The following CD109 variants were observed in gnomAD, a reference collection of about 807,000 sequenced individuals.
The protein encoded by CD109 is CD109 antigen.
Under a neutral mutation model 165.8 loss-of-function variants are expected in CD109, and 149 were observed. The ratio of observed to expected loss-of-function variants is 0.90; its 90% CI spans 0.79 to 1.03. The LOEUF is 1.03. Among genes scored for constraint, CD109 ranks in the 50% least tolerant of loss-of-function variants. CD109 has a pLI of 0.00. For synonymous variants in CD109, 585 were observed against 592.1 expected, an observed-to-expected ratio of 0.99 and a Z score of 0.18; for missense variants, 1,712 against 1,677.8, an observed-to-expected ratio of 1.02 and a Z score of -0.36.
At chr6:73,773,109 G>A (rs1475309158) in intron 15 of CD109, among the ~76,000 whole-genome samples, 4 of 149,864 alleles carry the variant, frequency 2.7e-5, no homozygotes, top group East Asian at 3.9e-4. Context: ...GTGTGTGTAC[G>A]TGTGTGTATA....
chr6:73,810,098 A>C lies in CD109; in HGVS notation c.3470A>C (p.Gln1157Pro). 1.2e-6 allele frequency: 2 copies of C among 1,610,534 alleles called. No individual in the cohort carries two copies. Among genetic ancestry groups the C allele is most frequent in the African/African-American group, 1.3e-5 (1 of 74,826 alleles). ...YALLSHFLQF[Q>P]TSEGIPIMRW... ...CTGCTCTCACACTTCTTACAATTTCAGACTTCTGAGGGAATCCCAATTATG... is the reference window on the plus strand; with the variant it reads ...CTGCTCTCACACTTCTTACAATTTCCGACTTCTGAGGGAATCCCAATTATG... The change falls in exon 27 of 33, where the codon CAG becomes CCG. Residue 1157 changes from glutamine to proline, a missense_variant. Transcript: ENST00000287097.
intron 2 of CD109, among the ~76,000 whole-genome samples, chr6:73,705,323 T>C (rs1485331258): frequency 6.6e-6 from 1 of 152,106 alleles, no homozygotes; most frequent in Admixed American, 6.5e-5. Flanking sequence ...TGAGAGAAGC[T>C]TGGAAAGAGG....
At chr6:73,699,529 C>A (rs1303216774) in intron 2 of CD109, among the ~76,000 whole-genome samples, 1 of 152,162 alleles carries the variant, frequency 6.6e-6, no homozygotes, top group Non-Finnish European at 1.5e-5. Context: ...TTTCTGTGAT[C>A]TCTGTTATCA....
At chr6:73,761,883 T>A (rs140056117) in intron 7 of CD109, among the ~76,000 whole-genome samples, 36 of 152,310 alleles carry the variant, frequency 2.4e-4, no homozygotes, top group Middle Eastern at 6.8e-3. Flanking sequence ...AGTAGGAGTA[T>A]GTTTTTAATG....
upstream of CD109, chr6:73,695,461 T>A (rs551879083): frequency 6.6e-6 from 1 of 152,306 alleles, no homozygotes; most frequent in Non-Finnish European, 1.5e-5. Context: ...AGCAAAAATA[T>A]AAAGGCATCT....
chr6:73,762,364 CTATGTT>C lies in CD109; in HGVS notation c.759-16_759-11del. ...AATATCAAGTTGATACATAAAAAGA[CTATGTT>C]TATAATTATTCAGGTATACATATGG... On this transcript the variant is annotated splice_polypyrimidine_tract_variant and intron_variant, in intron 7 of 32. Coordinates refer to ENST00000287097, the MANE Select transcript of CD109 (RefSeq NM_133493.5). 1 of 1,422,708 alleles carries C rather than the reference CTATGTT, an allele frequency of 7.0e-7. No individual in the cohort carries two copies. Among genetic ancestry groups the C allele is most frequent in the Non-Finnish European group, 9.9e-7 (1 of 1,013,366 alleles). 88.1% of individuals were successfully genotyped at this position (1,422,708 alleles called of 1,614,324 possible).
chr6:73,694,089 A>G (rs908104187), upstream of CD109: 1 of 152,056 alleles, frequency 6.6e-6, no homozygotes, highest in Non-Finnish European at 1.5e-5. Flanking sequence ...GGGTTTCACA[A>G]TGTTGGTCAG....
intron 6 of CD109, among the ~76,000 whole-genome samples, chr6:73,757,642 T>C (rs191406048): frequency 1.3e-5 from 2 of 152,306 alleles, no homozygotes; most frequent in East Asian, 3.9e-4. Flanking sequence ...CTAGTCCAGA[T>C]GGAGACAGCA....
chr6:73,784,950 A>T (rs1452932818), intron 19 of CD109, among the ~76,000 whole-genome samples: 1 of 152,172 alleles, frequency 6.6e-6, no homozygotes, highest in South Asian at 2.1e-4. Context: ...AAGAAGAGCA[A>T]ATTGCTTCGG....
At chr6:73,717,870 C>T (rs148432766) in intron 2 of CD109, among the ~76,000 whole-genome samples, 4,626 of 151,836 alleles carry the variant, frequency 0.03, 114 homozygotes, top group Non-Finnish European at 0.046. Context: ...CCGCCCACCT[C>T]GGCCTCCCAA....
At chr6:73,751,151 A>G (rs557555780) in intron 5 of CD109, among the ~76,000 whole-genome samples, 5 of 152,214 alleles carry the variant, frequency 3.3e-5, no homozygotes, top group Non-Finnish European at 7.3e-5. Context: ...AGGATGAGTC[A>G]TGTGAACTTG....
the CD109 span, among the ~76,000 whole-genome samples, chr6:73,689,920 A>T: frequency 6.6e-6 from 1 of 152,164 alleles, no homozygotes. Flanking sequence ...AAACAGTGTA[A>T]TTAAATCTTC....
intron 5 of CD109, among the ~76,000 whole-genome samples, chr6:73,736,710 CTG>C (rs1772559201): frequency 6.6e-6 from 1 of 152,068 alleles, no homozygotes; most frequent in East Asian, 1.9e-4. Context: ...ATTTTCATAA[CTG>C]TTGTCTTTTT....
chr6:73,806,737 G>A (rs907206298), intron 24 of CD109, 107 bp from the exon 25 acceptor site: 6 of 729,502 alleles, frequency 8.2e-6, no homozygotes, highest in Non-Finnish European at 1.3e-5. Flanking sequence ...TTCCCCCTTT[G>A]ATGAATCTTC....
At chr6:73,720,841 C>T (rs578123483) in intron 2 of CD109, among the ~76,000 whole-genome samples, 1 of 152,312 alleles carries the variant, frequency 6.6e-6, no homozygotes, top group South Asian at 2.1e-4. Flanking sequence ...TTGGGCCAGG[C>T]CTCCTGGCTA....
At chr6:73,789,706 C>T (rs1389461779) in intron 22 of CD109, among the ~76,000 whole-genome samples, 6 of 151,834 alleles carry the variant, frequency 4.0e-5, no homozygotes, top group East Asian at 3.8e-4. Flanking sequence ...ATGATCCACC[C>T]GCCTCGGCCT....
At chr6:73,779,365 C>T (rs945526218) in intron 15 of CD109, among the ~76,000 whole-genome samples, 2 of 151,752 alleles carry the variant, frequency 1.3e-5, no homozygotes, top group African/African-American at 2.4e-5. Context: ...TCTCCTTCCT[C>T]AGCCTCCCGA....
chr6:73,751,091 G>T (rs1444814902), intron 5 of CD109, among the ~76,000 whole-genome samples: 1 of 152,116 alleles, frequency 6.6e-6, no homozygotes, highest in Non-Finnish European at 1.5e-5. Flanking sequence ...AGACTGAATT[G>T]GGTGGAGGAA....
chr6:73,808,066 A>G lies in CD109; in HGVS notation c.3190-17A>G, dbSNP rs756207432. 1.2e-5 allele frequency: 20 copies of G among 1,609,272 alleles called. No homozygotes were observed. Among genetic ancestry groups the G allele is most frequent in the African/African-American group, 8.0e-5 (6 of 74,702 alleles). On this transcript the variant is annotated splice_polypyrimidine_tract_variant and intron_variant, in intron 25 of 32. Coordinates refer to ENST00000287097, the MANE Select transcript of CD109 (RefSeq NM_133493.5). ...GGTTACTCTGAATAGTAAAAAACAT[A>G]CTTTTTTTCTTCCAAGCCTAACATT... is the stretch of plus-strand genomic sequence containing the variant.
Sources: gnomAD v4.1 joint callset for allele counts (sites outside exome capture counted in the v4.1 genomes callset) on GRCh38, gnomAD v4.1.1 for gene constraint, MANE v1.5 for transcripts, NCBI Gene and HGNC (gene_info 2026-07-23, HGNC 2026-07-21) for gene names.